The following NRG3 variants were observed in gnomAD, a reference collection of about 807,000 sequenced individuals.
NRG3 encodes neuregulin 3, also known as pro-neuregulin-3, membrane-bound isoform.
In NRG3, 31 loss-of-function variants were observed where a neutral mutation model predicts 66.9. That is an observed-to-expected ratio of 0.46 (90% CI 0.35 to 0.63). The LOEUF is 0.63. Ranked by LOEUF, NRG3 falls within the 20% of genes least tolerant of loss-of-function variation. NRG3 has a pLI of 0.00. For missense variants in NRG3, 910 were observed against 878.9 expected, an observed-to-expected ratio of 1.04 and a Z score of -0.45; for synonymous variants, 393 against 359.4, an observed-to-expected ratio of 1.09 and a Z score of -1.06.
chr10:81,900,114 T>G (rs1843896751), intron 1 of NRG3, among the ~76,000 whole-genome samples: 2 of 151,990 alleles, frequency 1.3e-5, no homozygotes, highest in African/African-American at 2.4e-5. Context: ...GCCTGGCTAA[T>G]TTTTTTGTAT....
chr10:82,659,539 G>A (rs1215466119), intron 2 of NRG3, among the ~76,000 whole-genome samples: 3 of 152,090 alleles, frequency 2.0e-5, no homozygotes, highest in Admixed American at 2.0e-4. Context: ...TAGCTACTCA[G>A]GAGGCTGAGG....
intron 1 of NRG3, among the ~76,000 whole-genome samples, chr10:82,264,338 C>A (rs2078187593): frequency 6.6e-6 from 1 of 152,068 alleles, no homozygotes; most frequent in South Asian, 2.1e-4. Flanking sequence ...AGGGGGAAAC[C>A]CCTTATAAAA....
intron 2 of NRG3, among the ~76,000 whole-genome samples, chr10:82,371,539 G>A (rs2084895386): frequency 6.6e-6 from 1 of 152,138 alleles, no homozygotes; most frequent in African/African-American, 2.4e-5. Flanking sequence ...TAAGAGAGGG[G>A]TTGAGTTGGA....
At chr10:82,640,327 G>C (rs934727060) in intron 2 of NRG3, among the ~76,000 whole-genome samples, 8 of 152,192 alleles carry the variant, frequency 5.3e-5, no homozygotes, top group African/African-American at 1.9e-4. Flanking sequence ...ATACTATGGA[G>C]CCCTGGTGAT....
At chr10:82,367,873 T>C (rs755682550) in intron 2 of NRG3, among the ~76,000 whole-genome samples, 1 of 152,062 alleles carries the variant, frequency 6.6e-6, no homozygotes, top group Non-Finnish European at 1.5e-5. Context: ...TGCATGCCTG[T>C]AATCTCAGCT....
chr10:82,255,403 C>G (rs929121653), intron 1 of NRG3, among the ~76,000 whole-genome samples: 1 of 152,126 alleles, frequency 6.6e-6, no homozygotes, highest in African/African-American at 2.4e-5. Flanking sequence ...TCTGAATAGA[C>G]TGTGGACTTT....
At chr10:82,245,689 A>G (rs1243418619) in intron 1 of NRG3, among the ~76,000 whole-genome samples, 1 of 152,206 alleles carries the variant, frequency 6.6e-6, no homozygotes, top group Non-Finnish European at 1.5e-5. Flanking sequence ...TAATAAAAAC[A>G]TTCAATTAAT....
chr10:82,216,543 CAT>C (rs1050449062), intron 1 of NRG3, among the ~76,000 whole-genome samples: 3 of 141,768 alleles, frequency 2.1e-5, no homozygotes, highest in South Asian at 2.3e-4. Flanking sequence ...TGTGTGTACA[CAT>C]ATGTATACAT....
At chr10:82,866,313 ATACT>A (rs1471099869) in intron 4 of NRG3, among the ~76,000 whole-genome samples, 1 of 152,222 alleles carries the variant, frequency 6.6e-6, no homozygotes, top group East Asian at 1.9e-4. Flanking sequence ...AAATAATTAT[ATACT>A]TACTTGTATT....
Position 82,152,837 on chromosome 10 carries a change from TTTTTCTTTCTTTCTTTC to T in NRG3, c.824-205889_824-205873del, listed in dbSNP as rs1225697119. On this transcript the variant is annotated intron_variant, in intron 1 of 8. Coordinates refer to ENST00000372141, the MANE Select transcript of NRG3 (RefSeq NM_001010848.4). ...CTCTCTCTTTTTCTTTCTCTTTCTCTTTTTCTTTCTTTCTTTCTTTTCTTTCTTTTTCTTTTCTTTCT... is the reference window on the plus strand; with the variant it reads ...CTCTCTCTTTTTCTTTCTCTTTCTCTTTTTCTTTCTTTTTCTTTTCTTTCT... Among the ~76,000 whole-genome samples, 514 of 149,638 alleles carry T rather than the reference TTTTTCTTTCTTTCTTTC, an allele frequency of 3.4e-3. 3 individuals carry two copies. The highest frequency in any genetic ancestry group is 0.012 in the African/African-American group (490 of 40,254).
At chr10:82,515,283 C>A (rs930911655) in intron 2 of NRG3, among the ~76,000 whole-genome samples, 2 of 152,152 alleles carry the variant, frequency 1.3e-5, no homozygotes, top group African/African-American at 4.8e-5. Context: ...AAAATAAACA[C>A]CCAAGGAACC....
intron 1 of NRG3, among the ~76,000 whole-genome samples, chr10:81,973,917 T>C (rs373476153): frequency 5.9e-5 from 9 of 152,294 alleles, no homozygotes; most frequent in Admixed American, 4.6e-4. Context: ...TTTAATTAGA[T>C]CCCATTTGTC....
intron 2 of NRG3, among the ~76,000 whole-genome samples, chr10:82,363,211 T>C (rs568361725): frequency 6.6e-6 from 1 of 152,262 alleles, no homozygotes; most frequent in African/African-American, 2.4e-5. Flanking sequence ...ATAATCTATC[T>C]AAAAAGAAAT....
intron 1 of NRG3, among the ~76,000 whole-genome samples, chr10:82,256,724 G>A (rs1259455191): frequency 6.6e-6 from 1 of 152,096 alleles, no homozygotes; most frequent in African/African-American, 2.4e-5. Context: ...ACAAAATAAG[G>A]ATATTCTCCA....
rs923999678 is a variant in NRG3 at position 82,535,007 on chromosome 10, G to A, written c.953+176139G>A. On this transcript the variant is annotated intron_variant, in intron 2 of 8. Transcript: ENST00000372141. ...CTGAAACCCTGTCACTACTAAAAAT[G>A]CACCAGGCATGGTGGTGCGCCTCTG... 2.0e-5 allele frequency among the ~76,000 whole-genome samples: 3 copies of A among 150,886 alleles called. No individual in the cohort carries two copies. In the Admixed American group the frequency reaches 2.0e-4, roughly 10 times the overall value.
intron 1 of NRG3, among the ~76,000 whole-genome samples, chr10:82,216,573 GGT>G (rs367590464): frequency 1.3e-3 from 158 of 119,276 alleles, no homozygotes; most frequent in Non-Finnish European, 1.5e-3. Context: ...TATATATCTG[GGT>G]GTGTGTGTGT....
intron 1 of NRG3, among the ~76,000 whole-genome samples, chr10:81,990,205 T>C (rs1201133255): frequency 6.6e-6 from 1 of 152,158 alleles, no homozygotes; most frequent in Non-Finnish European, 1.5e-5. Flanking sequence ...CCAAGCTTCT[T>C]TGTGACTTGA....
chr10:81,932,611 C>T (rs1847478947), intron 1 of NRG3, among the ~76,000 whole-genome samples: 1 of 152,170 alleles, frequency 6.6e-6, no homozygotes, highest in African/African-American at 2.4e-5. Context: ...ATGTACTCTG[C>T]AGGTTGTATG....
intron 2 of NRG3, among the ~76,000 whole-genome samples, chr10:82,569,955 T>C (rs1390672947): frequency 6.6e-6 from 1 of 151,662 alleles, no homozygotes; most frequent in Non-Finnish European, 1.5e-5. Context: ...TATTTTTTTC[T>C]GCAAATGGCA....
Sources: gnomAD v4.1 joint callset for allele counts (sites outside exome capture counted in the v4.1 genomes callset) on GRCh38, gnomAD v4.1.1 for gene constraint, MANE v1.5 for transcripts, NCBI Gene and HGNC (gene_info 2026-07-23, HGNC 2026-07-21) for gene names.